GPAT4: variants seen among roughly 807,000 people sequenced by gnomAD.
The protein encoded by GPAT4 is 1-AGP acyltransferase 6.
GPAT4 carries 17 observed loss-of-function variants against 58.0 expected under a neutral mutation model. That is an observed-to-expected ratio of 0.29 (90% CI 0.20 to 0.44). GPAT4 has a LOEUF of 0.44. GPAT4 is among the 20% of genes least tolerant of loss of function. The pLI, the probability that GPAT4 is intolerant of heterozygous loss-of-function variation, is 1.00. For missense variants in GPAT4, 377 were observed against 574.5 expected (o/e 0.66, Z 3.51); for synonymous variants, 204 against 210.1 (o/e 0.97, Z 0.25).
chr8:41,589,789 C>G (rs925445626), intron 1 of GPAT4, among the ~76,000 whole-genome samples: 1 of 152,196 alleles, frequency 6.6e-6, no homozygotes, highest in Non-Finnish European at 1.5e-5. Context: ...TGGTGTCAAT[C>G]ACCTTGGGTC....
chr8:41,594,602 G>A (rs1463798464), intron 1 of GPAT4, among the ~76,000 whole-genome samples: 1 of 146,358 alleles, frequency 6.8e-6, no homozygotes, highest in Non-Finnish European at 1.5e-5. Flanking sequence ...CTGGAGTGCA[G>A]TGGTCCGATC....
intron 2 of GPAT4, among the ~76,000 whole-genome samples, chr8:41,607,834 A>G (rs761775475): frequency 2.6e-5 from 4 of 152,012 alleles, no homozygotes; most frequent in South Asian, 2.1e-4. Context: ...TCTGGCCCCA[A>G]GTTTTTCTCT....
chr8:41,614,352 G>A, intron 8 of GPAT4, 34 bp from the exon 9 acceptor site: 7 of 1,589,418 alleles, frequency 4.4e-6, no homozygotes, highest in Non-Finnish European at 6.0e-6. Context: ...GTATAAGGTT[G>A]TCTGACCCTT....
chr8:41,605,543 GTGTTTTGTTTGTTTGTT>G (rs1352130140), intron 2 of GPAT4, among the ~76,000 whole-genome samples: 337 of 137,834 alleles, frequency 2.4e-3, no homozygotes, highest in African/African-American at 6.7e-3. Context: ...ATTGAAGGTT[GTGTTTTGTTTGTTTGTT>G]TGTTTGTTTG....
At chr8:41,610,591 A>C in intron 4 of GPAT4, 145 bp from the exon 5 acceptor site, 1 of 1,531,300 alleles carries the variant, frequency 6.5e-7, no homozygotes, top group Non-Finnish European at 8.8e-7. Context: ...GCCTGCTTAC[A>C]TTTCTAGGTG....
At chr8:41,606,390 G>C (rs879034636) in intron 2 of GPAT4, among the ~76,000 whole-genome samples, 2 of 151,984 alleles carry the variant, frequency 1.3e-5, no homozygotes, top group African/African-American at 4.8e-5. Flanking sequence ...TTTGGGTTTG[G>C]GGGGGCATTC....
intron 2 of GPAT4, among the ~76,000 whole-genome samples, chr8:41,599,640 C>T (rs1223480793): frequency 6.6e-6 from 1 of 152,198 alleles, no homozygotes; most frequent in Non-Finnish European, 1.5e-5. Flanking sequence ...CAGGCATATT[C>T]CCTCACTGAG....
At chr8:41,592,838 C>T (rs1347658947) in intron 1 of GPAT4, among the ~76,000 whole-genome samples, 2 of 152,156 alleles carry the variant, frequency 1.3e-5, no homozygotes, top group South Asian at 2.1e-4. Context: ...GTCACACGCT[C>T]CCCTTTTTTC....
intron 1 of GPAT4, among the ~76,000 whole-genome samples, chr8:41,588,015 T>C (rs2150483172): frequency 6.6e-6 from 1 of 152,374 alleles, no homozygotes; most frequent in Middle Eastern, 3.4e-3. Context: ...ACTTCCTGCT[T>C]GCTAGGCAAG....
At chr8:41,612,591 T>G (rs1803476702) in intron 7 of GPAT4, among the ~76,000 whole-genome samples, 1 of 152,214 alleles carries the variant, frequency 6.6e-6, no homozygotes, top group African/African-American at 2.4e-5. Context: ...TGCGCTACTT[T>G]AGTATTTTAG....
intron 9 of GPAT4, 61 bp from the exon 10 acceptor site, chr8:41,614,902 C>A: frequency 7.3e-7 from 1 of 1,374,172 alleles, no homozygotes; most frequent in South Asian, 1.2e-5. Flanking sequence ...CTTTAAGAAA[C>A]GCCTAATATC....
intron 1 of GPAT4, among the ~76,000 whole-genome samples, chr8:41,583,067 A>G (rs943058619): frequency 3.9e-5 from 6 of 152,058 alleles, no homozygotes; most frequent in Non-Finnish European, 5.9e-5. Context: ...CACTAAAAAT[A>G]CAAAAAAAAC....
rs71548104 is a variant in GPAT4 at position 41,582,444 on chromosome 8, TAC to T, written c.-849+4198_-849+4199del. ...CTTGGAGAAATAGGGTGGGAAAGTA[TAC>T]ACACACACACACACACACACACACA... On this transcript the variant is annotated intron_variant, in intron 1 of 12. Coordinates refer to ENST00000396987, the MANE Select transcript of GPAT4 (RefSeq NM_178819.4). Among the ~76,000 whole-genome samples the T allele has an allele frequency of 1.9e-3, 271 of 141,516 alleles. 1 individual carries two copies. Among genetic ancestry groups the T allele is most frequent in the African/African-American group, 4.4e-3 (168 of 38,214 alleles). The allele number at this position is 141,516 out of a possible 152,430, so 92.8% of individuals were successfully genotyped here. A position where few individuals can be genotyped will look rare whatever the true frequency, so the allele number is the denominator to read the frequency against.
intron 1 of GPAT4, among the ~76,000 whole-genome samples, chr8:41,591,623 G>A (rs1802791679): frequency 6.6e-6 from 1 of 152,232 alleles, no homozygotes; most frequent in African/African-American, 2.4e-5. Context: ...AAACAAGGGA[G>A]TAGTAAGCAG....
At chr8:41,587,757 C>T (rs114062591) in intron 1 of GPAT4, among the ~76,000 whole-genome samples, 115 of 152,252 alleles carry the variant, frequency 7.6e-4, no homozygotes, top group African/African-American at 2.7e-3. Flanking sequence ...AACCACTGGT[C>T]CGATTTATCC....
At chr8:41,582,298 G>A (rs1194581081) in intron 1 of GPAT4, among the ~76,000 whole-genome samples, 13 of 152,148 alleles carry the variant, frequency 8.5e-5, no homozygotes, top group South Asian at 2.1e-4. Flanking sequence ...GACACTGCAC[G>A]TGGCCGAAGC....
chr8:41,591,577 A>G (rs1802790559), intron 1 of GPAT4, among the ~76,000 whole-genome samples: 1 of 152,250 alleles, frequency 6.6e-6, no homozygotes, highest in Non-Finnish European at 1.5e-5. Flanking sequence ...TAAGGTAATG[A>G]TGAAGCTTTT....
chr8:41,595,916 G>A (rs918276408), intron 1 of GPAT4, among the ~76,000 whole-genome samples: 3 of 151,942 alleles, frequency 2.0e-5, no homozygotes, highest in Admixed American at 6.6e-5. Flanking sequence ...CCACTGTGGC[G>A]GGGCAGGGGT....
Position 41,609,905 on chromosome 8 carries a change from C to T in GPAT4, c.486C>T (p.Val162=). 1.2e-6 allele frequency: 2 copies of T among 1,614,044 alleles called. No homozygotes were observed. Among genetic ancestry groups the T allele is most frequent in the East Asian group, 2.2e-5 (1 of 44,880 alleles). Residue 162 remains valine (V), a synonymous_variant, in exon 4 of 13, where the codon GTC becomes GTT. Coordinates refer to ENST00000396987, the MANE Select transcript of GPAT4 (RefSeq NM_178819.4). ...AGTACATCAGCCTTCGGCTCACGGTCCTGTGGGGGTTAGGAGTGCTGATTC... is the reference window on the plus strand; with the variant it reads ...AGTACATCAGCCTTCGGCTCACGGTTCTGTGGGGGTTAGGAGTGCTGATTC... ...NFQYISLRLT[V]LWGLGVLIRY... is the part of the protein sequence containing the mutation.
Sources: allele counts gnomAD v4.1 joint callset (sites outside exome capture counted in the v4.1 genomes callset), GRCh38; gene constraint gnomAD v4.1.1; transcripts MANE v1.5; gene names NCBI Gene and HGNC (gene_info 2026-07-23, HGNC 2026-07-21).